The following TNIK variants were observed in gnomAD, a reference collection of about 807,000 sequenced individuals.
TNIK encodes TRAF2 and NCK interacting kinase.
A neutral mutation model predicts 191.3 loss-of-function variants in TNIK; 49 were observed. That is an observed-to-expected ratio of 0.26 (90% CI 0.20 to 0.32). The LOEUF is 0.32. TNIK is among the 10% of genes least tolerant of loss of function. The pLI is 1.00. For synonymous variants in TNIK, 594 were observed against 600.9 expected (o/e 0.99, Z 0.17); for missense variants, 1,155 against 1,702.3 (o/e 0.68, Z 5.66).
At chr3:171,299,852 T>C (rs76329240) in intron 2 of TNIK, among the ~76,000 whole-genome samples, 3,397 of 152,280 alleles carry the variant, frequency 0.022, 154 homozygotes, top group African/African-American at 0.079. Flanking sequence ...GAAGAACCCA[T>C]GAGAGAAAGT....
chr3:171,451,737 G>A (rs1728199872), intron 1 of TNIK, among the ~76,000 whole-genome samples: 1 of 152,172 alleles, frequency 6.6e-6, no homozygotes, highest in Non-Finnish European at 1.5e-5. Flanking sequence ...CCAACCATGG[G>A]TGTAGAAACC....
At chr3:171,324,820 CG>C (rs2108346210) in intron 2 of TNIK, among the ~76,000 whole-genome samples, 1 of 152,184 alleles carries the variant, frequency 6.6e-6, no homozygotes, top group African/African-American at 2.4e-5. Flanking sequence ...AACTCAGGGC[CG>C]GGCGCGGTGG....
At chr3:171,293,466 A>G (rs1414755317) in intron 2 of TNIK, among the ~76,000 whole-genome samples, 1 of 152,252 alleles carries the variant, frequency 6.6e-6, no homozygotes, top group Non-Finnish European at 1.5e-5. Context: ...GCATGGAATC[A>G]CATAACTATG....
intron 29 of TNIK, among the ~76,000 whole-genome samples, chr3:171,070,424 TA>T (rs772343358): frequency 2.6e-5 from 4 of 151,610 alleles, no homozygotes; most frequent in Non-Finnish European, 4.4e-5. Context: ...CAATGAGACA[TA>T]AAGAAGTAGA....
intron 21 of TNIK, among the ~76,000 whole-genome samples, chr3:171,105,700 C>T (rs963873816): frequency 3.9e-5 from 6 of 152,144 alleles, no homozygotes; most frequent in Non-Finnish European, 1.5e-5. Context: ...TTTTCAAAGC[C>T]TAAAATATTC....
intron 28 of TNIK, among the ~76,000 whole-genome samples, chr3:171,072,622 A>C (rs181718591): frequency 6.6e-6 from 1 of 152,304 alleles, no homozygotes; most frequent in African/African-American, 2.4e-5. Flanking sequence ...AAATTGGAAA[A>C]GAGGAAGTGA....
At chr3:171,322,633 T>A (rs1057434775) in intron 2 of TNIK, among the ~76,000 whole-genome samples, 1 of 152,142 alleles carries the variant, frequency 6.6e-6, no homozygotes, top group Non-Finnish European at 1.5e-5. Flanking sequence ...ACTTCTACCA[T>A]ATACGCACAT....
chr3:171,439,873 A>G (rs74603408), intron 1 of TNIK, among the ~76,000 whole-genome samples: 7,896 of 152,212 alleles, frequency 0.052, 216 homozygotes, highest in South Asian at 0.079. Flanking sequence ...CCTAGCACAC[A>G]CAGCCCTCAG....
intron 2 of TNIK, among the ~76,000 whole-genome samples, chr3:171,362,114 T>C (rs560361209): frequency 7.9e-5 from 12 of 152,304 alleles, no homozygotes; most frequent in Admixed American, 6.5e-4. Context: ...TTGTGAAATA[T>C]AAAATTATTC....
intron 3 of TNIK, among the ~76,000 whole-genome samples, chr3:171,222,815 T>A (rs867237817): frequency 6.6e-6 from 1 of 152,148 alleles, no homozygotes; most frequent in South Asian, 2.1e-4. Flanking sequence ...ATCCTCCTAG[T>A]AGGCAATCCT....
In TNIK at chr3:171,062,497, C is replaced by G. The variant is rs763022430; in HGVS notation, c.*1384G>C. The G allele has an allele frequency of 6.6e-6, 1 of 152,046 alleles. No individual in the cohort carries two copies. The highest frequency in any genetic ancestry group is 2.4e-5 in the African/African-American group (1 of 41,386). The allele number at this position is 152,046 out of a possible 1,614,324, so 9.4% of individuals were successfully genotyped here. A position where few individuals can be genotyped will look rare whatever the true frequency, so the allele number is the denominator to read the frequency against. On this transcript the variant is annotated 3_prime_UTR_variant, in exon 33 of 33. Transcript: ENST00000436636. ...AGCTTTGGAAAAAAAAAATCCCAGT[C>G]GCATAAAAGTTCAAATCATTTGAGT...
intron 2 of TNIK, among the ~76,000 whole-genome samples, chr3:171,267,127 A>T (rs1748495665): frequency 6.6e-6 from 1 of 152,228 alleles, no homozygotes; most frequent in South Asian, 2.1e-4. Context: ...TTCAGAATGT[A>T]AATTACAGGA....
rs532517599 is a variant in TNIK, at chr3:171,076,422, C to T, written c.3448+3096G>A. 4.4e-4 allele frequency among the ~76,000 whole-genome samples: 67 copies of T among 152,150 alleles called. 1 individual carries two copies. Among genetic ancestry groups the T allele is most frequent in the African/African-American group, 1.4e-3 (60 of 41,504 alleles). On this transcript the variant is annotated intron_variant, in intron 28 of 32. Transcript: ENST00000436636. ...TTGATACACTTGATTAGATTTCAGC[C>T]GACATTATGTCATCACACATGATTG...
intron 2 of TNIK, among the ~76,000 whole-genome samples, chr3:171,275,523 T>A (rs956467248): frequency 3.9e-5 from 6 of 152,274 alleles, no homozygotes; most frequent in Admixed American, 2.0e-4. Context: ...AAATTATTTT[T>A]AAAATTAAAT....
At chr3:171,207,021 A>G (rs1190222641) in intron 4 of TNIK, among the ~76,000 whole-genome samples, 1 of 151,100 alleles carries the variant, frequency 6.6e-6, no homozygotes, top group Admixed American at 6.6e-5. Context: ...AATCTACATT[A>G]ATGCTTTTTT....
At chr3:171,358,389 A>G (rs917610634) in intron 2 of TNIK, among the ~76,000 whole-genome samples, 3 of 152,128 alleles carry the variant, frequency 2.0e-5, no homozygotes, top group Non-Finnish European at 4.4e-5. Flanking sequence ...TGCAGACAAG[A>G]ATGCTTGTGT....
intron 2 of TNIK, among the ~76,000 whole-genome samples, chr3:171,255,165 A>G (rs1405801580): frequency 2.0e-5 from 3 of 152,210 alleles, no homozygotes; most frequent in African/African-American, 7.2e-5. Context: ...TGCTGATTCA[A>G]TTTAGACAAT....
chr3:171,258,667 T>C (rs1250343578), intron 2 of TNIK, among the ~76,000 whole-genome samples: 1 of 152,088 alleles, frequency 6.6e-6, no homozygotes, highest in African/African-American at 2.4e-5. Flanking sequence ...AGGCCCAATT[T>C]AGGACTTCGC....
rs1577019620 is a variant in TNIK at position 171,167,290 on chromosome 3, A to T, written c.774-20T>A. The T allele has an allele frequency of 6.2e-7, 1 of 1,608,474 alleles. No homozygotes were observed. The highest frequency in any genetic ancestry group is 1.3e-5 in the African/African-American group (1 of 74,898). ...TTTGACCTGCCAAACAAAAGAAATG[A>T]ATCCACAGATAAAACGGCGATCCAA... On this transcript the variant is annotated intron_variant, in intron 9 of 32. Coordinates refer to ENST00000436636, the MANE Select transcript of TNIK (RefSeq NM_015028.4).
Sources: allele counts gnomAD v4.1 joint callset (sites outside exome capture counted in the v4.1 genomes callset), GRCh38; gene constraint gnomAD v4.1.1; transcripts MANE v1.5; gene names NCBI Gene and HGNC (gene_info 2026-07-23, HGNC 2026-07-21).